Variants in KCNJ6 observed in about 807,000 individuals in gnomAD.
KCNJ6 encodes the protein G protein-activated inward rectifier potassium channel 2.
KCNJ6 carries 9 observed loss-of-function variants against 34.2 expected under a neutral mutation model. That is an observed-to-expected ratio of 0.26 (90% confidence interval 0.16 to 0.46). KCNJ6 has a LOEUF of 0.46. KCNJ6 is among the 20% of genes least tolerant of loss of function. The pLI, the probability that KCNJ6 is intolerant of heterozygous loss-of-function variation, is 1.00. For synonymous variants in KCNJ6, 196 were observed against 207.1 expected (o/e 0.95, Z 0.46); for missense variants, 236 against 531.3 (o/e 0.44, Z 5.46).
chr21:37,807,978 G>T (rs1253060580), intron 2 of KCNJ6, among the ~76,000 whole-genome samples: 1 of 152,180 alleles, frequency 6.6e-6, no homozygotes, highest in African/African-American at 2.4e-5. Flanking sequence ...TGCAGGGAAA[G>T]TTGGCAGAGG....
At chr21:37,755,197 A>G (rs1479108076) in intron 2 of KCNJ6, among the ~76,000 whole-genome samples, 3 of 152,206 alleles carry the variant, frequency 2.0e-5, no homozygotes, top group Admixed American at 6.5e-5. Flanking sequence ...AGAAATTACA[A>G]TAAAGAAGAA....
intron 2 of KCNJ6, among the ~76,000 whole-genome samples, chr21:37,759,655 A>T (rs1296543095): frequency 6.6e-6 from 1 of 152,196 alleles, no homozygotes; most frequent in Non-Finnish European, 1.5e-5. Flanking sequence ...TCTTCTCCAT[A>T]GAACCTTCTC....
At chr21:37,650,843 T>C (rs2054429780) in intron 3 of KCNJ6, among the ~76,000 whole-genome samples, 1 of 152,224 alleles carries the variant, frequency 6.6e-6, no homozygotes, top group African/African-American at 2.4e-5. Flanking sequence ...CATCTCCTAA[T>C]CAGATAATCT....
At chr21:37,656,807 G>A (rs553357463) in intron 3 of KCNJ6, among the ~76,000 whole-genome samples, 62 of 152,294 alleles carry the variant, frequency 4.1e-4, no homozygotes, top group South Asian at 1.4e-3. Flanking sequence ...TCTGGGGAGG[G>A]GAGGCTGCTT....
chr21:37,618,601 G>A lies in KCNJ6; in HGVS notation c.*6558C>T, dbSNP rs2123356057. On this transcript the variant is annotated 3_prime_UTR_variant, in exon 4 of 4. Coordinates refer to ENST00000609713, the MANE Select transcript of KCNJ6 (RefSeq NM_002240.5). ...ATCTTGAAATGGGCAATTACACAAA[G>A]TCGGTAGGAACATTTCATTCTCTGA... 1 of 152,302 alleles carries A rather than the reference G, an allele frequency of 6.6e-6. No homozygotes were observed. Among genetic ancestry groups the A allele is most frequent in the East Asian group, 1.9e-4 (1 of 5,184 alleles). 9.4% of individuals were successfully genotyped at this position (152,302 alleles called of 1,614,324 possible). A position where few individuals can be genotyped will look rare whatever the true frequency, so the allele number is the denominator to read the frequency against.
rs1298307381 is a variant in KCNJ6 at position 37,664,857 on chromosome 21, C to T, written c.947-39373G>A. ...TGTTGCCCAGGCTGAAGTGCAGTGG[C>T]GCAATCTTGGCTCACTGCAAGCTCT... On this transcript the variant is annotated intron_variant, in intron 3 of 3. Transcript: ENST00000609713. Among the ~76,000 whole-genome samples, 5 of 137,366 alleles carry T rather than the reference C, an allele frequency of 3.6e-5. No individual in the cohort carries two copies. The East Asian group carries it at 1.1e-3, about 29-fold the overall frequency. The allele number at this position is 137,366 out of a possible 152,430, so 90.1% of individuals were successfully genotyped here. A position where few individuals can be genotyped will look rare whatever the true frequency, so the allele number is the denominator to read the frequency against.
chr21:37,669,784 A>C (rs2054533618), intron 3 of KCNJ6, among the ~76,000 whole-genome samples: 1 of 152,250 alleles, frequency 6.6e-6, no homozygotes, highest in African/African-American at 2.4e-5. Flanking sequence ...AATATTTGAA[A>C]ATAATTTGAA....
chr21:37,689,653 A>G (rs931441033), intron 3 of KCNJ6, among the ~76,000 whole-genome samples: 14 of 152,228 alleles, frequency 9.2e-5, no homozygotes, highest in African/African-American at 3.4e-4. Flanking sequence ...TTAACAATCT[A>G]TTGGTGAGAA....
intron 1 of KCNJ6, among the ~76,000 whole-genome samples, chr21:37,899,190 G>A (rs1314068318): frequency 1.3e-5 from 2 of 152,080 alleles, no homozygotes; most frequent in East Asian, 1.9e-4. Flanking sequence ...AGTTTCTCCT[G>A]GGTAAAGGTG....
intron 1 of KCNJ6, among the ~76,000 whole-genome samples, chr21:37,860,550 T>C (rs1162461504): frequency 2.6e-5 from 4 of 152,188 alleles, no homozygotes; most frequent in African/African-American, 4.8e-5. Context: ...TGTGATAAGA[T>C]CTAAGCTTCA....
intron 2 of KCNJ6, among the ~76,000 whole-genome samples, chr21:37,744,722 C>G (rs2054958544): frequency 6.6e-6 from 1 of 152,138 alleles, no homozygotes; most frequent in Non-Finnish European, 1.5e-5. Flanking sequence ...ATATTCAAGT[C>G]TAGAGACCAG....
chr21:37,667,574 A>G (rs1259718292), intron 3 of KCNJ6, among the ~76,000 whole-genome samples: 2 of 146,396 alleles, frequency 1.4e-5, no homozygotes, highest in Admixed American at 1.4e-4. Context: ...GCTCCAGGGT[A>G]GTGGGTGCTG....
At chr21:37,731,909 A>G (rs2054887571) in intron 2 of KCNJ6, among the ~76,000 whole-genome samples, 1 of 152,130 alleles carries the variant, frequency 6.6e-6, no homozygotes, top group Admixed American at 6.5e-5. Flanking sequence ...AGCAAGGGAG[A>G]GGCCCTTCCT....
intron 3 of KCNJ6, among the ~76,000 whole-genome samples, chr21:37,673,321 G>A (rs955840765): frequency 6.6e-6 from 1 of 152,244 alleles, no homozygotes; most frequent in Non-Finnish European, 1.5e-5. Context: ...TTACTGGGAG[G>A]CTTCCATCTC....
intron 2 of KCNJ6, among the ~76,000 whole-genome samples, chr21:37,790,626 T>G (rs1049348655): frequency 3.7e-4 from 56 of 152,212 alleles, no homozygotes; most frequent in African/African-American, 1.4e-3. Flanking sequence ...CGTAGGTTTT[T>G]ATAACAAAAC....
At chr21:37,682,035 C>T (rs1423489206) in intron 3 of KCNJ6, among the ~76,000 whole-genome samples, 1 of 152,190 alleles carries the variant, frequency 6.6e-6, no homozygotes, top group African/African-American at 2.4e-5. Context: ...TGTCCTGTTG[C>T]TTCTTTCATT....
intron 2 of KCNJ6, among the ~76,000 whole-genome samples, chr21:37,731,389 A>G (rs1299536300): frequency 1.3e-5 from 2 of 152,176 alleles, no homozygotes; most frequent in African/African-American, 4.8e-5. Flanking sequence ...GTAAGTGGGA[A>G]GATCCTGGTG....
intron 3 of KCNJ6, among the ~76,000 whole-genome samples, chr21:37,660,360 A>G (rs759507377): frequency 7.9e-5 from 12 of 152,192 alleles, no homozygotes; most frequent in Admixed American, 2.6e-4. Flanking sequence ...TAGTGGCATC[A>G]TGTGCCCCAG....
At chr21:37,673,601 G>C (rs2054551465) in intron 3 of KCNJ6, among the ~76,000 whole-genome samples, 1 of 152,214 alleles carries the variant, frequency 6.6e-6, no homozygotes. Flanking sequence ...TTGTGGATAG[G>C]ACACAACACA....
Sources: allele counts gnomAD v4.1 joint callset (sites outside exome capture counted in the v4.1 genomes callset), GRCh38; gene constraint gnomAD v4.1.1; transcripts MANE v1.5; gene names NCBI Gene and HGNC (gene_info 2026-07-23, HGNC 2026-07-21).